The following GBX2 variants were observed in gnomAD, a reference collection of about 807,000 sequenced individuals.
The protein encoded by GBX2 is gastrulation brain homeobox 2.
In GBX2, 5 loss-of-function variants were observed where a neutral mutation model predicts 22.4. That is an observed-to-expected ratio of 0.22 (90% confidence interval 0.12 to 0.47). GBX2 has a LOEUF of 0.47. Among genes scored for constraint, GBX2 ranks in the 20% least tolerant of loss-of-function variants. The pLI is 0.99. For missense variants in GBX2, 470 were observed against 495.4 expected (o/e 0.95, Z 0.49); for synonymous variants, 220 against 230.5 (o/e 0.95, Z 0.41).
rs1379441211 is a variant in GBX2 at position 236,167,928 on chromosome 2, G to A, written c.44C>T (p.Pro15Leu). 5 of 1,562,658 alleles carry A rather than the reference G, an allele frequency of 3.2e-6. No homozygotes were observed. Among genetic ancestry groups the A allele is most frequent in the Non-Finnish European group, 4.3e-6 (5 of 1,156,842 alleles). ...GCTGAAGGCGGTGCTACTCCCCAGC[G>A]GGCGCTGCATCATCATCAGCGACGG... The part of the protein sequence containing the change: ...FPPSLMMMQR[P>L]LGSSTAFSID... Residue 15 changes from proline to leucine, a missense_variant, in exon 1 of 2, where the codon CCG becomes CTG. Coordinates refer to ENST00000306318, the MANE Select transcript of GBX2 (RefSeq NM_001485.4).
At chr2:236,164,232 A>G (rs1056781271), downstream of GBX2, among the ~76,000 whole-genome samples, 6 of 152,028 alleles carry the variant, frequency 3.9e-5, no homozygotes, top group Admixed American at 3.9e-4. Context: ...AACCTCGCCG[A>G]GGGCCGAGCG....
In GBX2 at chr2:236,165,690, A is replaced by G; in HGVS notation, c.*224T>C. On this transcript the variant is annotated 3_prime_UTR_variant, in exon 2 of 2. Transcript: ENST00000306318. Reference sequence around the variant, plus strand: ...CAGTCTATAGAGATATTTATGTACAAAGTAGGATAGTATAATAAATATTTA... The same window carrying G: ...CAGTCTATAGAGATATTTATGTACAGAGTAGGATAGTATAATAAATATTTA... The G allele has an allele frequency of 5.4e-6, 3 of 558,646 alleles. No homozygotes were observed. 34.6% of individuals were successfully genotyped at this position (558,646 alleles called of 1,614,324 possible).
In GBX2 at chr2:236,167,478, GAGA is replaced by G. The variant is rs1261767396; in HGVS notation, c.491_493del (p.Phe164del). 1 of 1,582,504 alleles carries G rather than the reference GAGA, an allele frequency of 6.3e-7. No individual in the cohort carries two copies. The highest frequency in any genetic ancestry group is 8.5e-7 in the Non-Finnish European group (1 of 1,171,342). Reference sequence around the variant, plus strand: ...CGAAGCCTGCACCGTCTCGGCCGCGGAGAAGGCGAGCAGCGAGCCCTCTTTGGC... The same window carrying G: ...CGAAGCCTGCACCGTCTCGGCCGCGGAGGCGAGCAGCGAGCCCTCTTTGGC... On this transcript the variant is annotated inframe_deletion, in exon 1 of 2. Transcript: ENST00000306318.
chr2:236,167,441 C>A lies in GBX2; in HGVS notation c.523+8G>T. 6.6e-7 allele frequency: 1 copy of A among 1,512,298 alleles called. No individual in the cohort carries two copies. Among genetic ancestry groups the A allele is most frequent in the East Asian group, 2.6e-5 (1 of 37,852 alleles). 93.7% of individuals were successfully genotyped at this position (1,512,298 alleles called of 1,614,324 possible). ...CCCTCGTCCCGGCTGCGCGCGCCGCCGACTCACCGAGCGAAGCCTGCACCG... is the reference window on the plus strand; with the variant it reads ...CCCTCGTCCCGGCTGCGCGCGCCGCAGACTCACCGAGCGAAGCCTGCACCG... On this transcript the variant is annotated splice_region_variant and intron_variant, in intron 1 of 1. Coordinates refer to ENST00000306318, the MANE Select transcript of GBX2 (RefSeq NM_001485.4).
intron 1 of GBX2, chr2:236,167,089 C>T (rs2060243210): frequency 6.6e-7 from 1 of 1,510,612 alleles, no homozygotes; most frequent in Non-Finnish European, 8.9e-7. Context: ...GGCACACGCA[C>T]GGCTGAGACG....
downstream of GBX2, among the ~76,000 whole-genome samples, chr2:236,163,721 C>T (rs1272535176): frequency 6.6e-6 from 1 of 152,108 alleles, no homozygotes; most frequent in African/African-American, 2.4e-5. Flanking sequence ...GGACGGCGTC[C>T]CTGCGGGCCT....
chr2:236,166,537 C>T lies in GBX2; in HGVS notation c.524-100G>A. The T allele has an allele frequency of 9.5e-7, 1 of 1,050,122 alleles. No individual in the cohort carries two copies. The highest frequency in any genetic ancestry group is 1.4e-6 in the Non-Finnish European group (1 of 706,462). The allele number at this position is 1,050,122 out of a possible 1,614,324, so 65.1% of individuals were successfully genotyped here. On this transcript the variant is annotated intron_variant, in intron 1 of 1. Coordinates refer to ENST00000306318, the MANE Select transcript of GBX2 (RefSeq NM_001485.4). The surrounding 1 kb of genome is among the most constrained non-coding windows in gnomAD (Gnocchi z 6.6). ...GACATTCCGCGCCCCCCGCCCCCCA[C>T]CCTTTAGCGGATTGTCTTTCTATGA...
downstream of GBX2, among the ~76,000 whole-genome samples, chr2:236,162,027 AG>A (rs2060215828): frequency 6.6e-6 from 1 of 152,260 alleles, no homozygotes; most frequent in African/African-American, 2.4e-5. Context: ...CTGGGGCTGG[AG>A]GGAGCAGCCT....
In GBX2 at chr2:236,166,658, G is replaced by C. The variant is rs763795534; in HGVS notation, c.524-221C>G. On this transcript the variant is annotated intron_variant, in intron 1 of 1. Transcript: ENST00000306318. The surrounding 1 kb of genome is among the most constrained non-coding windows in gnomAD (Gnocchi z 6.6). ...AGGAGAGGAGGCAGTACAGGCGACG[G>C]CCCTTTGCCCAGAACCATCACTCAA... Among the ~76,000 whole-genome samples, 10 of 152,076 alleles carry C rather than the reference G, an allele frequency of 6.6e-5. No individual in the cohort carries two copies. The highest frequency in any genetic ancestry group is 1.5e-4 in the Non-Finnish European group (10 of 68,028).
downstream of GBX2, among the ~76,000 whole-genome samples, chr2:236,164,530 C>G (rs1453154258): frequency 1.3e-5 from 2 of 152,108 alleles, no homozygotes; most frequent in Admixed American, 6.5e-5. Context: ...CGCAGCTCCC[C>G]GTCCCTTGCA....
At position 236,167,783 on chromosome 2, in the gene GBX2, G is replaced by GGGCGGC. The variant is rs545073704; in HGVS notation, c.183_188dup (p.Pro62_Pro63dup). 1,685 of 1,406,932 alleles carry GGGCGGC rather than the reference G, an allele frequency of 1.2e-3. 1 individual carries two copies. The highest frequency in any genetic ancestry group is 1.4e-3 in the Non-Finnish European group (1,533 of 1,078,842). The allele number at this position is 1,406,932 out of a possible 1,614,324, so 87.2% of individuals were successfully genotyped here. ...GCTGCAGCGCGGCCTGGGGCAGCGCGGGCGGCGGCGGCGGCGGCGGCGGCA... is the reference window on the plus strand; with the variant it reads ...GCTGCAGCGCGGCCTGGGGCAGCGCGGGCGGCGGCGGCGGCGGCGGCGGCGGCGGCA... On this transcript the variant is annotated inframe_insertion, in exon 1 of 2. Transcript: ENST00000306318.
At chr2:236,162,474 G>A (rs1326296877), downstream of GBX2, among the ~76,000 whole-genome samples, 1 of 152,240 alleles carries the variant, frequency 6.6e-6, no homozygotes, top group African/African-American at 2.4e-5. Context: ...TCTGGAAGGG[G>A]AAGTTGCTTG....
In GBX2 at chr2:236,167,581, G is replaced by A. The variant is rs779903271; in HGVS notation, c.391C>T (p.Pro131Ser). 1.9e-5 allele frequency: 31 copies of A among 1,596,938 alleles called. 1 individual carries two copies. The South Asian group carries it at 3.1e-4, about 16-fold the overall frequency. ...AAAARKFAPQ[P>S]LPGGGNFDKA... Reference sequence around the variant, plus strand: ...TCGAAGTTACCGCCGCCGGGCAGCGGCTGCGGCGCGAACTTGCGGGCCGCT... The same window carrying A: ...TCGAAGTTACCGCCGCCGGGCAGCGACTGCGGCGCGAACTTGCGGGCCGCT... The change falls in exon 1 of 2, where the codon CCG becomes TCG. Residue 131 changes from proline to serine, a missense_variant. Around this residue, in one of 4 missense-constraint regions of GBX2, gnomAD observed 377 missense variants for 358.6 expected, o/e 1.05. Transcript: ENST00000306318.
At chr2:236,163,841 GCCCC>G (rs1430865955), downstream of GBX2, among the ~76,000 whole-genome samples, 1 of 152,140 alleles carries the variant, frequency 6.6e-6, no homozygotes, top group Non-Finnish European at 1.5e-5. Context: ...CGGCCTTGCG[GCCCC>G]CGCGCCAGGC....
Position 236,166,576 on chromosome 2 carries a change from T to G in GBX2, c.524-139A>C. Reference sequence around the variant, plus strand: ...GTCTTTCTATGACATTAACACATTGTGATTTCCTGGCCTTTGAGGGGTAGA... The same window carrying G: ...GTCTTTCTATGACATTAACACATTGGGATTTCCTGGCCTTTGAGGGGTAGA... On this transcript the variant is annotated intron_variant, in intron 1 of 1. Coordinates refer to ENST00000306318, the MANE Select transcript of GBX2 (RefSeq NM_001485.4). The surrounding 1 kb of genome is among the most constrained non-coding windows in gnomAD (Gnocchi z 6.6). The G allele has an allele frequency of 1.3e-6, 1 of 773,396 alleles. No homozygotes were observed. Among genetic ancestry groups the G allele is most frequent in the Non-Finnish European group, 2.1e-6 (1 of 480,556 alleles). 47.9% of individuals were successfully genotyped at this position (773,396 alleles called of 1,614,324 possible). A position where few individuals can be genotyped will look rare whatever the true frequency, so the allele number is the denominator to read the frequency against.
chr2:236,163,998 C>G (rs1417626971), downstream of GBX2, among the ~76,000 whole-genome samples: 2 of 152,202 alleles, frequency 1.3e-5, no homozygotes, highest in African/African-American at 4.8e-5. Flanking sequence ...TTATTGGGCT[C>G]GAAAACCAAG....
At position 236,167,687 on chromosome 2, in the gene GBX2, CG is replaced by C; in HGVS notation, c.284del (p.Ala95GlyfsTer119). The C allele has an allele frequency of 6.3e-7, 1 of 1,579,860 alleles. No homozygotes were observed. Among genetic ancestry groups the C allele is most frequent in the Non-Finnish European group, 8.6e-7 (1 of 1,167,454 alleles). The stretch of plus-strand genomic sequence containing the variant: ...GCGTAGAGGTGAGCGCCATGCCCTG[CG>C]CCAGGCTGGAGCAGAAGCCTGTGGG... ...SLPTGFCSSL[A>X]QGMALTSTLM... On this transcript the variant is annotated frameshift_variant, in exon 1 of 2. Coordinates refer to ENST00000306318, the MANE Select transcript of GBX2 (RefSeq NM_001485.4). LOFTEE classifies it high-confidence loss of function.
At chr2:236,167,226 C>T (rs2060244899) in intron 1 of GBX2, 2 of 1,525,518 alleles carry the variant, frequency 1.3e-6, no homozygotes, top group South Asian at 2.4e-5. Flanking sequence ...AGCAGCTGGT[C>T]GCCGGGCGCT....
chr2:236,167,341 C>G, intron 1 of GBX2, 108 bp downstream of exon 1: 1 of 1,376,166 alleles, frequency 7.3e-7, no homozygotes, highest in South Asian at 1.4e-5. Flanking sequence ...CCGCGGGGGT[C>G]GAGCGGGGGC....
Sources: allele counts gnomAD v4.1 joint callset (sites outside exome capture counted in the v4.1 genomes callset), GRCh38; gene constraint gnomAD v4.1.1; regional missense constraint gnomAD v4.1.1; non-coding constraint Gnocchi (gnomAD v3.1); transcripts MANE v1.5; gene names NCBI Gene and HGNC (gene_info 2026-07-23, HGNC 2026-07-21).